The following UBASH3A variants were observed in gnomAD, a reference collection of about 807,000 sequenced individuals.
The protein encoded by UBASH3A is ubiquitin associated and SH3 domain containing A.
Under a neutral mutation model 73.5 loss-of-function variants are expected in UBASH3A, and 63 were observed. The observed-to-expected ratio is 0.86, with a 90% confidence interval of 0.70 to 1.06. The LOEUF (loss-of-function observed/expected upper bound fraction) is 1.06, where lower values mean the gene tolerates loss of function less well. UBASH3A is among the 50% of genes least tolerant of loss of function. UBASH3A has a pLI of 0.00. For missense variants in UBASH3A, 860 were observed against 859.0 expected, an observed-to-expected ratio of 1.00 and a Z score of -0.02; for synonymous variants, 363 against 351.1, an observed-to-expected ratio of 1.03 and a Z score of -0.38.
Position 42,409,439 on chromosome 21 carries a change from A to G in UBASH3A, c.185A>G (p.Asn62Ser). 6.3e-7 allele frequency: 1 copy of G among 1,599,728 alleles called. No homozygotes were observed. The highest frequency in any genetic ancestry group is 8.5e-7 in the Non-Finnish European group (1 of 1,174,768). ...TGTTGCAGGCTGCATGATCATTGCA[A>G]TGACCCTTCCCTAGACGACCCCATC... is the stretch of plus-strand genomic sequence containing the variant. ...EALAWLHDHC[N>S]DPSLDDPIPQ... The change falls in exon 3 of 15, where the codon AAT (asparagine) becomes AGT (serine). Residue 62 changes from asparagine to serine, a missense_variant. Physicochemically the swap from Asn to Ser is conservative, Grantham distance 46. Coordinates refer to ENST00000319294, the MANE Select transcript of UBASH3A (RefSeq NM_018961.4).
intron 9 of UBASH3A, among the ~76,000 whole-genome samples, chr21:42,432,951 T>G (rs2053561383): frequency 6.6e-6 from 1 of 152,338 alleles, no homozygotes; most frequent in Admixed American, 6.5e-5. Flanking sequence ...CAGGATGCAT[T>G]AACAAACATA....
intron 14 of UBASH3A, among the ~76,000 whole-genome samples, chr21:42,445,565 T>A (rs3788016): frequency 0.52 from 78,836 of 152,092 alleles, 20,633 homozygotes; most frequent in Admixed American, 0.54. Flanking sequence ...ACCAGCCAGG[T>A]GCCTGCAGGA....
At chr21:42,438,050 C>T (rs1317367529) in intron 11 of UBASH3A, among the ~76,000 whole-genome samples, 5 of 152,180 alleles carry the variant, frequency 3.3e-5, no homozygotes, top group African/African-American at 9.7e-5. Flanking sequence ...CTCCCATCTA[C>T]GGGAAGAAGA....
intron 8 of UBASH3A, among the ~76,000 whole-genome samples, chr21:42,427,281 G>A (rs2053454817): frequency 6.6e-6 from 1 of 152,136 alleles, no homozygotes; most frequent in Non-Finnish European, 1.5e-5. Context: ...CAGGCTGCCA[G>A]GCAGGGACAC....
At position 42,426,740 on chromosome 21, in the gene UBASH3A, G is replaced by C; in HGVS notation, c.1090G>C (p.Asp364His). The C allele has an allele frequency of 1.2e-6, 2 of 1,614,154 alleles. No individual in the cohort carries two copies. The highest frequency in any genetic ancestry group is 1.7e-6 in the Non-Finnish European group (2 of 1,179,984). Residue 364 changes from aspartate (D) to histidine (H), a missense_variant, in exon 8 of 15, where the codon GAT becomes CAT. Transcript: ENST00000319294. ...AGCCACAGACCTGAACTCCAGAAAG[G>C]ATGGTGAAGCCAGCAGCAGATGCAG... ...SLATDLNSRKDGEASSRCSGE... is the reference protein window; with the variant it reads ...SLATDLNSRKHGEASSRCSGE...
intron 9 of UBASH3A, among the ~76,000 whole-genome samples, chr21:42,433,625 T>C (rs994480285): frequency 1.3e-5 from 2 of 152,294 alleles, no homozygotes; most frequent in Non-Finnish European, 1.5e-5. Flanking sequence ...CACAATGAAA[T>C]TGATGGACTT....
chr21:42,432,014 G>A (rs2053540220), intron 8 of UBASH3A, 89 bp from the exon 9 acceptor site: 11 of 741,066 alleles, frequency 1.5e-5, no homozygotes, highest in Non-Finnish European at 2.1e-5. Flanking sequence ...CCTCGCAGTT[G>A]CTGGGTGACT....
chr21:42,428,484 A>G (rs1005745625), intron 8 of UBASH3A, among the ~76,000 whole-genome samples: 2 of 152,066 alleles, frequency 1.3e-5, no homozygotes, highest in Non-Finnish European at 1.5e-5. Flanking sequence ...GGATTATTTA[A>G]AAAGCTTTAA....
At position 42,447,355 on chromosome 21, in the gene UBASH3A, T is replaced by TAG. The variant is rs2053862208; in HGVS notation, c.*161_*162insAG. 1 of 787,798 alleles carries TAG rather than the reference T, an allele frequency of 1.3e-6. No individual in the cohort carries two copies. Among genetic ancestry groups the TAG allele is most frequent in the Non-Finnish European group, 1.9e-6 (1 of 517,678 alleles). 48.8% of individuals were successfully genotyped at this position (787,798 alleles called of 1,614,324 possible). A position where few individuals can be genotyped will look rare whatever the true frequency, so the allele number is the denominator to read the frequency against. ...ATCCCGGAATATTTCCCTCCGGCTT[T>TAG]CGCCTTTGTAACTCCCATCTGTGGA... is the stretch of plus-strand genomic sequence containing the variant. On this transcript the variant is annotated 3_prime_UTR_variant, in exon 15 of 15. Coordinates refer to ENST00000319294, the MANE Select transcript of UBASH3A (RefSeq NM_018961.4).
intron 7 of UBASH3A, among the ~76,000 whole-genome samples, chr21:42,421,219 C>A (rs3788013): frequency 0.43 from 66,102 of 152,020 alleles, 14,907 homozygotes; most frequent in African/African-American, 0.53. Context: ...ATGGGTGTGC[C>A]TGTTGGGGTG....
At chr21:42,406,277 T>G in intron 1 of UBASH3A, 31 bp from the exon 2 acceptor site, 3 of 1,606,756 alleles carry the variant, frequency 1.9e-6, no homozygotes, top group South Asian at 2.2e-5. Context: ...ATGGGCGACG[T>G]GACTTTGTGT....
At chr21:42,424,810 A>G (rs546062830) in intron 7 of UBASH3A, among the ~76,000 whole-genome samples, 2 of 152,322 alleles carry the variant, frequency 1.3e-5, no homozygotes, top group East Asian at 3.9e-4. Context: ...GTCTTTAAAG[A>G]GGTGACTAAG....
intron 12 of UBASH3A, 40 bp downstream of exon 12, chr21:42,442,636 A>G: frequency 1.3e-6 from 2 of 1,570,184 alleles, no homozygotes. Context: ...GGGCTTTTCC[A>G]GTTATTGTTA....
chr21:42,446,296 G>A lies in UBASH3A; in HGVS notation c.1849-761G>A, dbSNP rs1482546703. Reference sequence around the variant, plus strand: ...GCATATCAGAAAATACAAAGGGGGGGCTCTACCAAATGATGGGCCCCCAAA... The same window carrying A: ...GCATATCAGAAAATACAAAGGGGGGACTCTACCAAATGATGGGCCCCCAAA... On this transcript the variant is annotated intron_variant, in intron 14 of 14. Transcript: ENST00000319294. Among the ~76,000 whole-genome samples, 5 of 152,210 alleles carry A rather than the reference G, an allele frequency of 3.3e-5. No homozygotes were observed. The South Asian group carries it at 1.0e-3, about 32-fold the overall frequency.
At chr21:42,442,420 G>A in intron 11 of UBASH3A, 32 bp from the exon 12 acceptor site, 2 of 1,608,146 alleles carry the variant, frequency 1.2e-6, no homozygotes, top group Admixed American at 1.7e-5. Flanking sequence ...GGATGTTGAG[G>A]ATGATAAACA....
chr21:42,433,653 C>T (rs902734358), intron 9 of UBASH3A, among the ~76,000 whole-genome samples: 2 of 152,234 alleles, frequency 1.3e-5, no homozygotes, highest in African/African-American at 4.8e-5. Flanking sequence ...GATTTTAAAA[C>T]TGCCTTTCCC....
intron 14 of UBASH3A, 151 bp from the exon 15 acceptor site, chr21:42,446,906 G>A: frequency 1.2e-6 from 1 of 810,458 alleles, no homozygotes; most frequent in Non-Finnish European, 1.9e-6. Context: ...CGCCAGGGCA[G>A]ATGTTGGTGC....
intron 6 of UBASH3A, among the ~76,000 whole-genome samples, chr21:42,417,284 C>T (rs1033389609): frequency 2.6e-5 from 4 of 151,528 alleles, no homozygotes; most frequent in African/African-American, 7.3e-5. Context: ...ATTAGCCGGG[C>T]GTGATGGCAC....
At chr21:42,412,933 C>T in intron 3 of UBASH3A, 91 bp from the exon 4 acceptor site, 2 of 1,100,484 alleles carry the variant, frequency 1.8e-6, no homozygotes, top group Non-Finnish European at 2.7e-6. Context: ...AAGAATCTCA[C>T]TTTAATTGCT....
Sources: allele counts gnomAD v4.1 joint callset (sites outside exome capture counted in the v4.1 genomes callset), GRCh38; gene constraint gnomAD v4.1.1; transcripts MANE v1.5; gene names NCBI Gene and HGNC (gene_info 2026-07-23, HGNC 2026-07-21).